NPAS3: variants seen among roughly 807,000 people sequenced by gnomAD.
NPAS3 encodes the protein neuronal PAS domain protein 3, also known as neuronal PAS domain-containing protein 3.
NPAS3 carries 14 observed loss-of-function variants against 73.1 expected under a neutral mutation model. That is an observed-to-expected ratio of 0.19 (90% confidence interval 0.13 to 0.30). The LOEUF is 0.30. Ranked by LOEUF, NPAS3 falls within the 10% of genes least tolerant of loss-of-function variation. The pLI is 1.00. For synonymous variants in NPAS3, 620 were observed against 541.5 expected, an observed-to-expected ratio of 1.14 and a Z score of -2.01; for missense variants, 1,096 against 1,250.0, an observed-to-expected ratio of 0.88 and a Z score of 1.86.
At chr14:33,128,780 A>T (rs1418785786) in intron 2 of NPAS3, among the ~76,000 whole-genome samples, 1 of 152,140 alleles carries the variant, frequency 6.6e-6, no homozygotes, top group African/African-American at 2.4e-5. Flanking sequence ...TTTATGAGGT[A>T]ATGTTACCTT....
At chr14:33,747,478 GC>G (rs1418465218) in intron 7 of NPAS3, among the ~76,000 whole-genome samples, 10 of 152,086 alleles carry the variant, frequency 6.6e-5, no homozygotes, top group Non-Finnish European at 1.5e-4. Context: ...CTCTAGGGAT[GC>G]CCCCCATCCC....
chr14:33,750,193 G>T (rs890274823), intron 7 of NPAS3, among the ~76,000 whole-genome samples: 4 of 151,422 alleles, frequency 2.6e-5, no homozygotes, highest in African/African-American at 7.3e-5. Context: ...GGATGCTTGG[G>T]TTATGATGAT....
At chr14:33,538,539 C>T (rs966158523) in intron 4 of NPAS3, among the ~76,000 whole-genome samples, 1 of 152,168 alleles carries the variant, frequency 6.6e-6, no homozygotes, top group African/African-American at 2.4e-5. Flanking sequence ...AACAGAAAAA[C>T]CCCAAGTTAT....
intron 4 of NPAS3, among the ~76,000 whole-genome samples, chr14:33,463,454 T>C (rs2050367224): frequency 1.3e-5 from 2 of 152,154 alleles, no homozygotes; most frequent in African/African-American, 4.8e-5. Context: ...ATGGGCATAA[T>C]GAGAAAAATA....
chr14:33,435,264 T>C (rs1183903783), intron 4 of NPAS3, among the ~76,000 whole-genome samples: 4 of 152,156 alleles, frequency 2.6e-5, no homozygotes, highest in East Asian at 3.9e-4. Context: ...TCAAATAAGA[T>C]TGGCTAAAAA....
chr14:33,678,536 A>G (rs1243081537), intron 6 of NPAS3, among the ~76,000 whole-genome samples: 1 of 152,172 alleles, frequency 6.6e-6, no homozygotes, highest in Non-Finnish European at 1.5e-5. Flanking sequence ...GTTTGCAGAG[A>G]ACCCTCTAAA....
At chr14:33,446,120 A>T (rs933829355) in intron 4 of NPAS3, among the ~76,000 whole-genome samples, 1 of 148,652 alleles carries the variant, frequency 6.7e-6, no homozygotes, top group African/African-American at 2.5e-5. Flanking sequence ...TCCAGTTTTC[A>T]TCTTGGATTA....
chr14:33,767,635 G>A (rs1047050640), intron 7 of NPAS3, among the ~76,000 whole-genome samples: 7 of 124,612 alleles, frequency 5.6e-5, no homozygotes, highest in African/African-American at 1.2e-4. Flanking sequence ...AGCCTTTTTC[G>A]TTCCCCTAGT....
At chr14:33,025,224 G>T (rs1310115419) in intron 1 of NPAS3, among the ~76,000 whole-genome samples, 1 of 152,190 alleles carries the variant, frequency 6.6e-6, no homozygotes, top group African/African-American at 2.4e-5. Context: ...ACAAATCTAG[G>T]TTTGGGTCTT....
At chr14:33,620,926 A>G (rs1447235881) in intron 5 of NPAS3, among the ~76,000 whole-genome samples, 1 of 152,162 alleles carries the variant, frequency 6.6e-6, no homozygotes, top group African/African-American at 2.4e-5. Flanking sequence ...ACGTGTGGTT[A>G]TATGTCATCT....
intron 4 of NPAS3, among the ~76,000 whole-genome samples, chr14:33,377,862 A>G (rs1380326821): frequency 1.3e-5 from 2 of 152,240 alleles, no homozygotes; most frequent in Non-Finnish European, 2.9e-5. Flanking sequence ...ACTAAGCTTC[A>G]GTTCAGTAAA....
At chr14:33,434,527 A>C (rs1467000578) in intron 4 of NPAS3, among the ~76,000 whole-genome samples, 3 of 151,878 alleles carry the variant, frequency 2.0e-5, no homozygotes, top group African/African-American at 7.3e-5. Context: ...CCCATCTCAA[A>C]AAAAAAAAAA....
At chr14:33,775,625 G>A (rs2062789640) in intron 8 of NPAS3, among the ~76,000 whole-genome samples, 1 of 152,232 alleles carries the variant, frequency 6.6e-6, no homozygotes, top group Non-Finnish European at 1.5e-5. Context: ...ACCCACCTGA[G>A]CTATGAGTGT....
intron 3 of NPAS3, among the ~76,000 whole-genome samples, chr14:33,224,761 T>G (rs1407337861): frequency 1.3e-5 from 2 of 152,170 alleles, no homozygotes; most frequent in African/African-American, 4.8e-5. Flanking sequence ...CTGGCCCATT[T>G]TAGAGCAAAT....
chr14:33,259,779 A>G lies in NPAS3; in HGVS notation c.385+44353A>G, dbSNP rs568613830. Among the ~76,000 whole-genome samples the G allele has an allele frequency of 2.6e-5, 4 of 152,332 alleles. No homozygotes were observed. The East Asian group carries it at 7.7e-4, about 29-fold the overall frequency. On this transcript the variant is annotated intron_variant, in intron 3 of 11. Transcript: ENST00000356141. Reference sequence around the variant, plus strand: ...CAGATGCTGAAAATGCCATCTTTAGAATCAGATAAAAACCAGTTTGACCAC... The same window carrying G: ...CAGATGCTGAAAATGCCATCTTTAGGATCAGATAAAAACCAGTTTGACCAC...
chr14:33,617,463 A>G (rs1319071983), intron 5 of NPAS3, among the ~76,000 whole-genome samples: 1 of 152,172 alleles, frequency 6.6e-6, no homozygotes, highest in African/African-American at 2.4e-5. Context: ...GATGCTGCCC[A>G]CAGCTAAGAG....
chr14:33,504,705 A>G (rs1358204185), intron 4 of NPAS3, among the ~76,000 whole-genome samples: 1 of 152,016 alleles, frequency 6.6e-6, no homozygotes, highest in African/African-American at 2.4e-5. Flanking sequence ...ATGTGTTGGC[A>G]ATTCTTCTGG....
intron 1 of NPAS3, among the ~76,000 whole-genome samples, chr14:32,973,533 ATTTT>A (rs71432099): frequency 7.8e-6 from 1 of 128,920 alleles, no homozygotes. Flanking sequence ...GTATATTTTG[ATTTT>A]TTTTTTTTTT....
Position 33,800,760 on chromosome 14 carries a change from C to G in NPAS3, c.2453C>G (p.Thr818Arg). ...ACCGGGACCCTGGCCGCCACCAGCA[C>G]GGCCGCGCAGAGGGTCTACACCACG... Residue 818 changes from threonine (T) to arginine (R), a missense_variant, in exon 12 of 12, where the codon ACG becomes AGG. This residue lies in a region of NPAS3 where 698 missense variants were observed against 676.7 expected (regional missense o/e 1.03). Coordinates refer to ENST00000356141, the Ensembl canonical transcript of NPAS3. The surrounding 1 kb of genome is among the most constrained non-coding windows in gnomAD (Gnocchi z 6.5). 6.4e-7 allele frequency: 1 copy of G among 1,568,678 alleles called. No homozygotes were observed. Among genetic ancestry groups the G allele is most frequent in the Non-Finnish European group, 8.6e-7 (1 of 1,158,758 alleles).
Sources: allele counts gnomAD v4.1 joint callset (sites outside exome capture counted in the v4.1 genomes callset), GRCh38; gene constraint gnomAD v4.1.1; regional missense constraint gnomAD v4.1.1; non-coding constraint Gnocchi (gnomAD v3.1); transcripts MANE v1.5; gene names NCBI Gene and HGNC (gene_info 2026-07-23, HGNC 2026-07-21).